DCUN1D3: variants seen among roughly 807,000 people sequenced by gnomAD.
DCUN1D3 encodes the protein defective in cullin neddylation 1 domain containing 3.
In DCUN1D3, 6 loss-of-function variants were observed where a neutral mutation model predicts 24.8. The observed-to-expected ratio is 0.24, with a 90% CI of 0.13 to 0.48. The LOEUF is 0.48. DCUN1D3 is among the 20% of genes least tolerant of loss of function. The pLI is 0.99. For missense variants in DCUN1D3, 258 were observed against 379.4 expected (o/e 0.68, Z 2.66); for synonymous variants, 120 against 144.9 (o/e 0.83, Z 1.24).
chr16:20,883,445 G>A (rs1031549927), intron 1 of DCUN1D3, among the ~76,000 whole-genome samples: 16 of 152,110 alleles, frequency 1.1e-4, no homozygotes, highest in African/African-American at 2.9e-4. Flanking sequence ...CCTGAGAGGC[G>A]GAGCTTGCAG....
intron 1 of DCUN1D3, among the ~76,000 whole-genome samples, chr16:20,881,856 G>A (rs1038666444): frequency 1.3e-5 from 2 of 152,156 alleles, no homozygotes; most frequent in African/African-American, 4.8e-5. Context: ...GTGCTGGAGT[G>A]CAGTGGTACA....
intron 1 of DCUN1D3, among the ~76,000 whole-genome samples, chr16:20,894,375 C>T (rs1346430999): frequency 6.6e-6 from 1 of 152,174 alleles, no homozygotes; most frequent in Non-Finnish European, 1.5e-5. Context: ...CTCCGAGATG[C>T]TAAGCAGTCT....
chr16:20,881,563 C>T (rs1039734976), intron 1 of DCUN1D3, among the ~76,000 whole-genome samples: 4 of 152,124 alleles, frequency 2.6e-5, no homozygotes, highest in Non-Finnish European at 5.9e-5. Context: ...GCTTGATAAA[C>T]GTTCCCTCCA....
chr16:20,891,639 A>G (rs1427821728), intron 1 of DCUN1D3, among the ~76,000 whole-genome samples: 1 of 152,112 alleles, frequency 6.6e-6, no homozygotes, highest in African/African-American at 2.4e-5. Flanking sequence ...GTGGGTGTGG[A>G]GTGGGGAGAA....
Position 20,859,938 on chromosome 16 carries a change from C to T in DCUN1D3, c.863G>A (p.Arg288Lys). The change falls in exon 3 of 3, where the codon AGA (arginine) becomes AAA (lysine). Residue 288 changes from arginine (R) to lysine (K), a missense_variant. Physicochemically the swap from Arg to Lys is conservative, Grantham distance 26. Coordinates refer to ENST00000324344, the MANE Select transcript of DCUN1D3 (RefSeq NM_173475.4). ...MERRKREGEG[R>K]GALSSGPEGL... is the part of the protein sequence containing the mutation. ...CTCAGGCCCTGAGCTGAGTGCACCT[C>T]TCCCTTCCCCTTCTCTTTTCCTTCG... is the stretch of plus-strand genomic sequence containing the variant. 2.5e-6 allele frequency: 4 copies of T among 1,614,210 alleles called. 1 individual carries two copies. The South Asian group carries it at 4.4e-5, about 18-fold the overall frequency.
intron 1 of DCUN1D3, among the ~76,000 whole-genome samples, chr16:20,865,470 T>G (rs915643869): frequency 1.3e-5 from 2 of 152,248 alleles, no homozygotes; most frequent in African/African-American, 2.4e-5. Context: ...TATTCCTACC[T>G]TCAACTGGTT....
chr16:20,864,946 T>C (rs576456522), intron 1 of DCUN1D3, among the ~76,000 whole-genome samples: 1 of 152,070 alleles, frequency 6.6e-6, no homozygotes, highest in Non-Finnish European at 1.5e-5. Context: ...AACTTATGAA[T>C]ACAAAGAAGG....
At chr16:20,888,194 A>G (rs1348325395) in intron 1 of DCUN1D3, among the ~76,000 whole-genome samples, 1 of 152,204 alleles carries the variant, frequency 6.6e-6, no homozygotes. Context: ...TGGGCATAGC[A>G]ATGGATGCCA....
chr16:20,880,901 G>A (rs536069125), intron 1 of DCUN1D3, among the ~76,000 whole-genome samples: 1 of 152,206 alleles, frequency 6.6e-6, no homozygotes, highest in South Asian at 2.1e-4. Context: ...ATAGTAAGCA[G>A]CAGAGCCAAA....
intron 1 of DCUN1D3, among the ~76,000 whole-genome samples, chr16:20,875,183 G>A (rs1351500991): frequency 6.7e-6 from 1 of 149,734 alleles, no homozygotes; most frequent in Non-Finnish European, 1.5e-5. Flanking sequence ...GACAACTATG[G>A]CCCCAGAATA....
At chr16:20,880,604 CAAAAA>C (rs34275241) in intron 1 of DCUN1D3, among the ~76,000 whole-genome samples, 4 of 51,924 alleles carry the variant, frequency 7.7e-5, no homozygotes, top group African/African-American at 1.8e-4. Flanking sequence ...GACCCTGTCT[CAAAAA>C]AAAAAAAAAA....
At chr16:20,874,357 G>C (rs536866151) in intron 1 of DCUN1D3, among the ~76,000 whole-genome samples, 1 of 152,322 alleles carries the variant, frequency 6.6e-6, no homozygotes, top group South Asian at 2.1e-4. Flanking sequence ...CTGGCTACAA[G>C]AATCTTTCCA....
At chr16:20,862,741 G>T in intron 1 of DCUN1D3, 98 bp from the exon 2 acceptor site, 1 of 1,202,922 alleles carries the variant, frequency 8.3e-7, no homozygotes, top group Non-Finnish European at 1.1e-6. Context: ...CTATTTCCAT[G>T]AGCCAACAAC....
At chr16:20,877,329 C>T (rs2081821057) in intron 1 of DCUN1D3, among the ~76,000 whole-genome samples, 3 of 152,242 alleles carry the variant, frequency 2.0e-5, no homozygotes, top group African/African-American at 7.2e-5. Flanking sequence ...CACGTGCTGA[C>T]ATGTGTTCCA....
At chr16:20,862,039 G>T in intron 2 of DCUN1D3, 69 bp downstream of exon 2, 1 of 1,544,782 alleles carries the variant, frequency 6.5e-7, no homozygotes, top group Non-Finnish European at 8.8e-7. Flanking sequence ...TCCTAGCTGG[G>T]CACCACTGCC....
At chr16:20,896,291 A>T (rs1283791578) in intron 1 of DCUN1D3, 1 of 152,208 alleles carries the variant, frequency 6.6e-6, no homozygotes, top group Admixed American at 6.5e-5. Context: ...CGTGTAATGC[A>T]ATGTAAAACC....
At chr16:20,872,161 TACC>T (rs2081791598) in intron 1 of DCUN1D3, among the ~76,000 whole-genome samples, 1 of 152,206 alleles carries the variant, frequency 6.6e-6, no homozygotes, top group Non-Finnish European at 1.5e-5. Flanking sequence ...AACACCCAAT[TACC>T]ACATCAACTG....
At chr16:20,867,450 C>A (rs2081768062) in intron 1 of DCUN1D3, among the ~76,000 whole-genome samples, 1 of 152,182 alleles carries the variant, frequency 6.6e-6, no homozygotes, top group African/African-American at 2.4e-5. Context: ...GAGAATTAGT[C>A]CAGATGCCCT....
chr16:20,893,129 C>T (rs1007583149), intron 1 of DCUN1D3, among the ~76,000 whole-genome samples: 1 of 152,044 alleles, frequency 6.6e-6, no homozygotes, highest in Non-Finnish European at 1.5e-5. Context: ...TCTAGCCTTG[C>T]TGCTGCCTAG....
Sources: allele counts gnomAD v4.1 joint callset (sites outside exome capture counted in the v4.1 genomes callset), GRCh38; gene constraint gnomAD v4.1.1; transcripts MANE v1.5; gene names NCBI Gene and HGNC (gene_info 2026-07-23, HGNC 2026-07-21).